VPS8: variants seen among roughly 807,000 people sequenced by gnomAD.
The protein encoded by VPS8 is vacuolar protein sorting-associated protein 8 homolog.
A neutral mutation model predicts 216.4 loss-of-function variants in VPS8; 129 were observed. That is an observed-to-expected ratio of 0.60 (90% CI 0.52 to 0.69). The LOEUF is 0.69. Ranked by LOEUF, VPS8 falls within the 30% of genes least tolerant of loss-of-function variation. The pLI is 0.00. For missense variants in VPS8, 1,531 were observed against 1,683.5 expected (o/e 0.91, Z 1.59); for synonymous variants, 571 against 565.4 (o/e 1.01, Z -0.14).
chr3:185,001,515 C>A (rs1030694918), intron 45 of VPS8, among the ~76,000 whole-genome samples: 1 of 152,178 alleles, frequency 6.6e-6, no homozygotes, highest in African/African-American at 2.4e-5. Context: ...AGATTCCATG[C>A]CCTTTCTGGG....
At chr3:184,936,561 G>GTGTGTGTGTGTGTGT (rs1741672503) in intron 35 of VPS8, among the ~76,000 whole-genome samples, 1 of 147,760 alleles carries the variant, frequency 6.8e-6, no homozygotes, top group African/African-American at 2.5e-5. Context: ...GTGTGTGTGT[G>GTGTGTGTGTGTGTGT]GTTGGGAGCA....
Position 184,868,197 on chromosome 3 carries a change from A to G in VPS8, c.1506+138A>G, listed in dbSNP as rs1362128981. ...GTACAAGAAAACCATTATAGCTGTT[A>G]GGTACTTGATTTGCTAGAACTGACA... On this transcript the variant is annotated intron_variant, in intron 18 of 47. Transcript: ENST00000625842. 1.2e-5 allele frequency: 10 copies of G among 821,432 alleles called. No individual in the cohort carries two copies. The Admixed American group carries it at 2.7e-4, about 22-fold the overall frequency. The allele number at this position is 821,432 out of a possible 1,614,324, so 50.9% of individuals were successfully genotyped here.
At chr3:184,973,136 C>T (rs1748696717) in intron 40 of VPS8, among the ~76,000 whole-genome samples, 1 of 152,054 alleles carries the variant, frequency 6.6e-6, no homozygotes, top group Non-Finnish European at 1.5e-5. Flanking sequence ...AAGAAACTGT[C>T]TGTGAAATGA....
intron 17 of VPS8, among the ~76,000 whole-genome samples, chr3:184,867,679 C>T (rs1472454787): frequency 6.6e-6 from 1 of 152,110 alleles, no homozygotes; most frequent in African/African-American, 2.4e-5. Flanking sequence ...AACCTTGTCT[C>T]TAGTAAAAAT....
chr3:184,858,343 A>G (rs866191648), intron 14 of VPS8, among the ~76,000 whole-genome samples: 1 of 152,370 alleles, frequency 6.6e-6, no homozygotes, highest in Middle Eastern at 3.4e-3. Context: ...GAATTAAAAA[A>G]TAAAAATAAA....
At chr3:184,999,675 T>A in intron 44 of VPS8, 21 bp from the exon 45 acceptor site, 1 of 1,591,458 alleles carries the variant, frequency 6.3e-7, no homozygotes, top group Non-Finnish European at 8.5e-7. Flanking sequence ...AAAGTACAAA[T>A]TGGTTGCCTT....
At chr3:184,886,291 A>G (rs1731214701) in intron 22 of VPS8, 135 bp downstream of exon 22, 3 of 875,896 alleles carry the variant, frequency 3.4e-6, no homozygotes, top group Non-Finnish European at 5.2e-6. Context: ...TGATTCTTTA[A>G]CAGTTTTCAG....
intron 22 of VPS8, among the ~76,000 whole-genome samples, chr3:184,893,045 C>G (rs1438349213): frequency 6.6e-6 from 1 of 151,970 alleles, no homozygotes; most frequent in Non-Finnish European, 1.5e-5. Flanking sequence ...TCAAATGAAA[C>G]TGACATGAAA....
In VPS8 at chr3:184,971,765, CTG is replaced by C. The variant is rs754548506; in HGVS notation, c.3420+15_3420+16del. The C allele has an allele frequency of 3.3e-5, 53 of 1,607,330 alleles. No individual in the cohort carries two copies. Among genetic ancestry groups the C allele is most frequent in the South Asian group, 7.8e-5 (7 of 90,298 alleles). ...GCAGCAACGTGAGGTAGGAGAATGA[CTG>C]TTTAGGTATTTAAAAGCCTGTACTT... is the stretch of plus-strand genomic sequence containing the variant. On this transcript the variant is annotated intron_variant, in intron 40 of 47. Transcript: ENST00000625842.
chr3:184,992,837 C>G (rs1752085859), intron 42 of VPS8, among the ~76,000 whole-genome samples: 1 of 152,014 alleles, frequency 6.6e-6, no homozygotes, highest in South Asian at 2.1e-4. Flanking sequence ...GGATAAAAAT[C>G]CTAAAATAGG....
In VPS8 at chr3:184,824,692, A is replaced by T. The variant is rs192763506; in HGVS notation, c.60A>T (p.Glu20Asp). The T allele has an allele frequency of 4.9e-3, 7,851 of 1,613,982 alleles. 28 individuals are homozygous for T. Among genetic ancestry groups the T allele is most frequent in the Non-Finnish European group, 5.7e-3 (6,669 of 1,179,868 alleles). The change falls in exon 2 of 48, where the codon GAA (glutamate) becomes GAT (aspartate). Residue 20 changes from glutamate to aspartate, a missense_variant. Physicochemically the swap from Glu to Asp is conservative, Grantham distance 45 (BLOSUM62 2). This residue lies in a region of VPS8 where 199 missense variants were observed against 182.2 expected (regional missense o/e 1.09). Coordinates refer to ENST00000625842, the MANE Select transcript of VPS8 (RefSeq NM_001009921.3). ...VEQSLCAKTSEEELNKSFNLE... is the reference protein window; with the variant it reads ...VEQSLCAKTSDEELNKSFNLE... ...AGAGCCTCTGTGCCAAGACGAGCGA[A>T]GAAGAGCTGAATAAGTCTTTCAATC...
At chr3:184,879,455 G>GTA (rs2108828643) in intron 21 of VPS8, among the ~76,000 whole-genome samples, 1 of 152,092 alleles carries the variant, frequency 6.6e-6, no homozygotes, top group East Asian at 1.9e-4. Flanking sequence ...CTTAAAGCAG[G>GTA]TATTGCTCAC....
At chr3:185,024,546 C>G (rs1757090757) in intron 46 of VPS8, among the ~76,000 whole-genome samples, 157 bp downstream of exon 46, 1 of 152,196 alleles carries the variant, frequency 6.6e-6, no homozygotes, top group Non-Finnish European at 1.5e-5. Flanking sequence ...CTCCAGGCCT[C>G]CTCTTTGGCT....
chr3:184,905,210 A>T (rs774114775), intron 25 of VPS8, among the ~76,000 whole-genome samples: 1 of 152,170 alleles, frequency 6.6e-6, no homozygotes, highest in African/African-American at 2.4e-5. Context: ...TGCATTGGGG[A>T]TTAAGTTTTC....
At chr3:184,943,443 G>A (rs1576927334) in intron 36 of VPS8, among the ~76,000 whole-genome samples, 1 of 152,146 alleles carries the variant, frequency 6.6e-6, no homozygotes, top group South Asian at 2.1e-4. Context: ...TAAAGTAAAG[G>A]ATTAGAGTCT....
intron 42 of VPS8, among the ~76,000 whole-genome samples, chr3:184,989,631 G>A (rs1439623617): frequency 6.6e-6 from 1 of 152,018 alleles, no homozygotes; most frequent in African/African-American, 2.4e-5. Context: ...TGGTTGTTAT[G>A]TATAATTCTT....
intron 1 of VPS8, among the ~76,000 whole-genome samples, chr3:184,823,428 A>G (rs1718045215): frequency 6.6e-6 from 1 of 152,168 alleles, no homozygotes; most frequent in African/African-American, 2.4e-5. Context: ...TTACTAACAT[A>G]CACAATCTAA....
chr3:184,986,889 G>A (rs1313762217), intron 42 of VPS8, among the ~76,000 whole-genome samples: 1 of 152,100 alleles, frequency 6.6e-6, no homozygotes, highest in African/African-American at 2.4e-5. Context: ...TTGTATTAGT[G>A]TGGTATATTT....
At chr3:184,916,333 A>G (rs1392970808) in intron 28 of VPS8, among the ~76,000 whole-genome samples, 1 of 152,188 alleles carries the variant, frequency 6.6e-6, no homozygotes, top group African/African-American at 2.4e-5. Context: ...TTTTGATATT[A>G]TGGAAAATGC....
Sources: gnomAD v4.1 joint callset for allele counts (sites outside exome capture counted in the v4.1 genomes callset) on GRCh38, gnomAD v4.1.1 for gene constraint, gnomAD v4.1.1 regional missense constraint, MANE v1.5 for transcripts, NCBI Gene and HGNC (gene_info 2026-07-23, HGNC 2026-07-21) for gene names.